UGT1A8: variants seen among roughly 807,000 people sequenced by gnomAD.
UGT1A8 encodes the protein UDP glucuronosyltransferase family 1 member A8.
A neutral mutation model predicts 45.3 loss-of-function variants in UGT1A8; 39 were observed. The observed-to-expected ratio is 0.86, with a 90% CI of 0.67 to 1.12. The LOEUF (loss-of-function observed/expected upper bound fraction) is 1.12, where lower values mean the gene tolerates loss of function less well. UGT1A8 is among the 50% of genes most tolerant of loss of function. The pLI, the probability that UGT1A8 is intolerant of heterozygous loss-of-function variation, is 0.00. For synonymous variants in UGT1A8, 275 were observed against 249.2 expected (o/e 1.10, Z -0.97); for missense variants, 719 against 664.9 (o/e 1.08, Z -0.90).
At chr2:233,770,680 G>T (rs940972002) in intron 4 of UGT1A8, 1 of 151,464 alleles carries the variant, frequency 6.6e-6, no homozygotes, top group African/African-American at 2.4e-5. Flanking sequence ...AAAAAAGAAG[G>T]TTCCAAGAAA....
rs1183097052 is a variant in UGT1A8, at chr2:233,768,306, A to G, written c.1162A>G (p.Met388Val). Residue 388 changes from methionine to valine, a missense_variant, in exon 4 of 5, where the codon ATG (methionine) becomes GTG (valine). Met to Val is a conservative substitution (Grantham distance 21, BLOSUM62 1). Coordinates refer to ENST00000373450, the MANE Select transcript of UGT1A8 (RefSeq NM_019076.5). ...ATGCAATGGCGTTCCCATGGTGATG[A>G]TGCCCTTGTTTGGTGATCAGATGGA... ...SICNGVPMVM[M>V]PLFGDQMDNA... 6.2e-7 allele frequency: 1 copy of G among 1,614,086 alleles called. No homozygotes were observed. The highest frequency in any genetic ancestry group is 1.7e-5 in the Admixed American group (1 of 60,000).
At chr2:233,640,145 G>C (rs1372404758) in intron 1 of UGT1A8, among the ~76,000 whole-genome samples, 1 of 152,164 alleles carries the variant, frequency 6.6e-6, no homozygotes, top group African/African-American at 2.4e-5. Context: ...ACTTTTGGTT[G>C]ACAAGACTAA....
At position 233,768,454 on chromosome 2, in the gene UGT1A8, A is replaced by C; in HGVS notation, c.1295+15A>C. The stretch of plus-strand genomic sequence containing the variant: ...AATGACAAAAGGTAAGAAAGAAGAT[A>C]CAGAAGAATACTTTGGTCATGGCAT... On this transcript the variant is annotated intron_variant, in intron 4 of 4. Coordinates refer to ENST00000373450, the MANE Select transcript of UGT1A8 (RefSeq NM_019076.5). The C allele has an allele frequency of 6.2e-7, 1 of 1,610,684 alleles. No individual in the cohort carries two copies.
At chr2:233,681,068 A>T (rs1433688062) in intron 1 of UGT1A8, among the ~76,000 whole-genome samples, 2 of 151,826 alleles carry the variant, frequency 1.3e-5, no homozygotes, top group African/African-American at 2.4e-5. Flanking sequence ...CACCTGTGTC[A>T]CAATTGTGGC....
intron 1 of UGT1A8, among the ~76,000 whole-genome samples, chr2:233,734,913 T>G (rs1279998122): frequency 6.6e-6 from 1 of 152,224 alleles, no homozygotes; most frequent in Non-Finnish European, 1.5e-5. Context: ...TTACATTTGC[T>G]AAGGAGTGCT....
intron 1 of UGT1A8, chr2:233,672,225 A>G (rs779311693): frequency 1.9e-6 from 3 of 1,614,132 alleles, no homozygotes; most frequent in East Asian, 2.2e-5. Context: ...CCCATGCTCA[A>G]TGGAAAGCAC....
rs565143670 is a variant in UGT1A8 at position 233,625,707 on chromosome 2, T to C, written c.855+7145T>C. Among the ~76,000 whole-genome samples the C allele has an allele frequency of 2.0e-5, 3 of 151,818 alleles. No homozygotes were observed. In the South Asian group the frequency reaches 6.2e-4, roughly 31 times the overall value. ...TACAGGCACAGAACACCAAATACCA[T>C]GTGTTCTCACTTAGAAGTGGGAGCT... On this transcript the variant is annotated intron_variant, in intron 1 of 4. Coordinates refer to ENST00000373450, the MANE Select transcript of UGT1A8 (RefSeq NM_019076.5).
intron 1 of UGT1A8, among the ~76,000 whole-genome samples, chr2:233,669,452 T>C (rs1321058214): frequency 1.3e-5 from 2 of 152,218 alleles, no homozygotes; most frequent in Non-Finnish European, 2.9e-5. Context: ...CATGAACATA[T>C]CTATTTATTC....
intron 1 of UGT1A8, among the ~76,000 whole-genome samples, chr2:233,757,540 A>ATATATATATATATATATATATATATG (rs1696599685): frequency 2.6e-5 from 3 of 116,538 alleles, no homozygotes; most frequent in Non-Finnish European, 5.4e-5. Flanking sequence ...TAAGGAATAT[A>ATATATATATATATATATATATATATG]TATATATATA....
intron 1 of UGT1A8, chr2:233,681,788 T>G: frequency 1.4e-6 from 2 of 1,455,446 alleles, no homozygotes; most frequent in Non-Finnish European, 9.1e-7. Context: ...TTATTATGAG[T>G]AAATCATTGG....
chr2:233,696,771 T>C (rs2075358404), intron 1 of UGT1A8, among the ~76,000 whole-genome samples: 1 of 152,200 alleles, frequency 6.6e-6, no homozygotes, highest in South Asian at 2.1e-4. Flanking sequence ...TTATCATATA[T>C]GGATTTTATT....
At position 233,724,792 on chromosome 2, in the gene UGT1A8, G is replaced by C. The variant is rs992945436; in HGVS notation, c.856-42242G>C. ...CAGAGACACTCCTCACTTCCCAGAC[G>C]GGGTGGCGGCCGGGCAGAGGCTGCA... On this transcript the variant is annotated intron_variant, in intron 1 of 4. Coordinates refer to ENST00000373450, the MANE Select transcript of UGT1A8 (RefSeq NM_019076.5). Among the ~76,000 whole-genome samples, 142 of 140,766 alleles carry C rather than the reference G, an allele frequency of 1.0e-3. 5 individuals are homozygous for C. Among genetic ancestry groups the C allele is most frequent in the African/African-American group, 3.7e-3 (136 of 36,304 alleles). 92.3% of individuals were successfully genotyped at this position (140,766 alleles called of 152,430 possible).
intron 1 of UGT1A8, among the ~76,000 whole-genome samples, chr2:233,711,822 A>G (rs2076198725): frequency 6.6e-6 from 1 of 152,234 alleles, no homozygotes; most frequent in Admixed American, 6.5e-5. Context: ...TGGGGCGACC[A>G]GGACAAGGAG....
At chr2:233,692,035 G>C (rs555086706) in intron 1 of UGT1A8, 1 of 152,198 alleles carries the variant, frequency 6.6e-6, no homozygotes, top group Non-Finnish European at 1.5e-5. Flanking sequence ...AGTTGCCAGG[G>C]AACAAAACCC....
chr2:233,760,664 G>T, intron 1 of UGT1A8: 3 of 1,614,182 alleles, frequency 1.9e-6, no homozygotes, highest in Non-Finnish European at 2.5e-6. Flanking sequence ...CTTTTGTCTG[G>T]CTGTTCCCAC....
chr2:233,653,554 C>T lies in UGT1A8; in HGVS notation c.855+34992C>T, dbSNP rs138070848. On this transcript the variant is annotated intron_variant, in intron 1 of 4. Coordinates refer to ENST00000373450, the MANE Select transcript of UGT1A8 (RefSeq NM_019076.5). ...GTCAGAAACCTCTATGGGTCACCACCGCATACACAGTTGCTTAAAGTGCCC... is the reference window on the plus strand; with the variant it reads ...GTCAGAAACCTCTATGGGTCACCACTGCATACACAGTTGCTTAAAGTGCCC... Among the ~76,000 whole-genome samples, 926 of 152,236 alleles carry T rather than the reference C, an allele frequency of 6.1e-3. 2 individuals are homozygous for T. The highest frequency in any genetic ancestry group is 9.8e-3 in the Non-Finnish European group (667 of 68,006).
chr2:233,721,160 T>G (rs1327409494), intron 1 of UGT1A8, among the ~76,000 whole-genome samples: 1 of 152,228 alleles, frequency 6.6e-6, no homozygotes. Context: ...CACTAAACTT[T>G]ATTTTTGTTT....
chr2:233,669,138 T>C (rs977099549), intron 1 of UGT1A8, among the ~76,000 whole-genome samples: 1 of 152,234 alleles, frequency 6.6e-6, no homozygotes, highest in African/African-American at 2.4e-5. Flanking sequence ...TTGAAAAAAC[T>C]TGGTTGCTCA....
At chr2:233,758,861 A>G (rs911579331) in intron 1 of UGT1A8, among the ~76,000 whole-genome samples, 2 of 152,228 alleles carry the variant, frequency 1.3e-5, no homozygotes, top group African/African-American at 4.8e-5. Context: ...TGGCTGCACA[A>G]TACTTGCCCC....
Sources: gnomAD v4.1 joint callset for allele counts (sites outside exome capture counted in the v4.1 genomes callset) on GRCh38, gnomAD v4.1.1 for gene constraint, MANE v1.5 for transcripts, NCBI Gene and HGNC (gene_info 2026-07-23, HGNC 2026-07-21) for gene names.